Variants in FAM227B observed in about 807,000 individuals in gnomAD.
FAM227B encodes protein FAM227B.
In FAM227B, 88 loss-of-function variants were observed where a neutral mutation model predicts 73.8. The observed-to-expected ratio is 1.19, with a 90% CI of 1.00 to 1.42. The LOEUF is 1.42. FAM227B is among the 40% of genes most tolerant of loss of function. The pLI is 0.00. For synonymous variants in FAM227B, 210 were observed against 190.5 expected, an observed-to-expected ratio of 1.10 and a Z score of -0.84; for missense variants, 632 against 590.9, an observed-to-expected ratio of 1.07 and a Z score of -0.72.
At chr15:49,617,098 A>C (rs1489126830) in intron 1 of FAM227B, among the ~76,000 whole-genome samples, 1 of 152,208 alleles carries the variant, frequency 6.6e-6, no homozygotes, top group East Asian at 1.9e-4. Context: ...TCTACTATGA[A>C]GCTGAATGCT....
At chr15:49,615,301 T>G (rs751872302) in intron 1 of FAM227B, 58 bp from the exon 2 acceptor site, 93 of 775,106 alleles carry the variant, frequency 1.2e-4, no homozygotes, top group Non-Finnish European at 2.0e-4. Context: ...ACAATCCCTT[T>G]CCCCTCACCC....
At chr15:49,527,730 C>T (rs1225681753) in intron 10 of FAM227B, among the ~76,000 whole-genome samples, 1 of 151,560 alleles carries the variant, frequency 6.6e-6, no homozygotes, top group African/African-American at 2.4e-5. Flanking sequence ...AAAACCAAAC[C>T]AAAACTCAGT....
At chr15:49,452,170 T>C (rs2052815567) in intron 11 of FAM227B, among the ~76,000 whole-genome samples, 1 of 152,054 alleles carries the variant, frequency 6.6e-6, no homozygotes, top group African/African-American at 2.4e-5. Flanking sequence ...GCTTCCTGAG[T>C]ATCTGGCACT....
intron 10 of FAM227B, among the ~76,000 whole-genome samples, chr15:49,521,148 T>C (rs1250139293): frequency 1.3e-5 from 2 of 152,162 alleles, no homozygotes; most frequent in Non-Finnish European, 2.9e-5. Context: ...TGGGACACTG[T>C]CTCATCCAGG....
rs530535694 is a variant in FAM227B at position 49,496,316 on chromosome 15, A to T, written c.1012+11895T>A. On this transcript the variant is annotated intron_variant, in intron 11 of 15. Coordinates refer to ENST00000299338, the MANE Select transcript of FAM227B (RefSeq NM_152647.3). The stretch of plus-strand genomic sequence containing the variant: ...AGCTACAGTTTATAAAAAGAATGAG[A>T]CTTGTTATTGTTTTAGCTTTAAAAT... Among the ~76,000 whole-genome samples the T allele has an allele frequency of 3.9e-5, 6 of 152,282 alleles. No homozygotes were observed. In the East Asian group the frequency reaches 1.2e-3, roughly 29 times the overall value.
At chr15:49,376,889 T>A (rs2046199092) in intron 11 of FAM227B, among the ~76,000 whole-genome samples, 1 of 152,084 alleles carries the variant, frequency 6.6e-6, no homozygotes, top group African/African-American at 2.4e-5. Context: ...GGGGTGGTTT[T>A]CTTTTCTATT....
intron 11 of FAM227B, chr15:49,424,804 C>T (rs775585778): frequency 2.1e-4 from 73 of 351,170 alleles, no homozygotes; most frequent in Non-Finnish European, 3.1e-5. Flanking sequence ...TAATCCAAGC[C>T]AATTTGAAAA....
chr15:49,375,052 A>G (rs530657628), intron 11 of FAM227B, among the ~76,000 whole-genome samples: 1 of 152,282 alleles, frequency 6.6e-6, no homozygotes, highest in South Asian at 2.1e-4. Context: ...TCTGTGTGAA[A>G]TTCATGGTTC....
chr15:49,337,162 A>C (rs554635333), intron 13 of FAM227B, among the ~76,000 whole-genome samples: 219 of 152,296 alleles, frequency 1.4e-3, no homozygotes, highest in Admixed American at 4.4e-3. Context: ...ATATGAGTAC[A>C]TATGTCTTTT....
intron 11 of FAM227B, among the ~76,000 whole-genome samples, chr15:49,482,939 T>A (rs544349339): frequency 0.029 from 4,469 of 152,118 alleles, 223 homozygotes; most frequent in African/African-American, 0.1. Flanking sequence ...TTCTACAAAA[T>A]AAAAAACCAT....
chr15:49,340,422 C>G (rs1009620547), intron 13 of FAM227B, among the ~76,000 whole-genome samples: 10 of 143,290 alleles, frequency 7.0e-5, no homozygotes, highest in Middle Eastern at 3.4e-3. Context: ...CTCCCCCCCC[C>G]GCTTTGCCTC....
chr15:49,437,307 A>G (rs1285307902), intron 11 of FAM227B, among the ~76,000 whole-genome samples: 2 of 151,672 alleles, frequency 1.3e-5, no homozygotes, highest in Non-Finnish European at 3.0e-5. Flanking sequence ...AACAAATAAA[A>G]GAAACAGCAG....
At chr15:49,367,329 A>G in intron 13 of FAM227B, 119 bp downstream of exon 13, 3 of 931,966 alleles carry the variant, frequency 3.2e-6, no homozygotes, top group Non-Finnish European at 4.6e-6. Flanking sequence ...TATTAATACT[A>G]AACAGAAGCA....
At chr15:49,545,996 T>C (rs2071802829) in intron 9 of FAM227B, among the ~76,000 whole-genome samples, 1 of 151,690 alleles carries the variant, frequency 6.6e-6, no homozygotes, top group Non-Finnish European at 1.5e-5. Flanking sequence ...TTAGGGTACA[T>C]GTGCACAACG....
At chr15:49,467,868 A>C (rs1307293793) in intron 11 of FAM227B, among the ~76,000 whole-genome samples, 4 of 152,200 alleles carry the variant, frequency 2.6e-5, no homozygotes, top group Non-Finnish European at 5.9e-5. Context: ...GAAAACGATC[A>C]GTAAATTGGT....
At position 49,371,391 on chromosome 15, in the gene FAM227B, A is replaced by C. The variant is rs1053849441; in HGVS notation, c.1021T>G (p.Phe341Val). Reference protein sequence around the residue: ...SQEHISTSIDFNIIKILNNPR... With the variant: ...SQEHISTSIDVNIIKILNNPR... ...TTGTTCAGAATCTTTATAATATTGA[A>C]GTCGATACCTAAAACAGAAAATAAA... Residue 341 changes from phenylalanine (F) to valine (V), a missense_variant, in exon 12 of 16, where the codon TTC becomes GTC. Phe to Val is a conservative substitution (Grantham distance 50). Transcript: ENST00000299338. 1 of 1,546,924 alleles carries C rather than the reference A, an allele frequency of 6.5e-7. No individual in the cohort carries two copies. The highest frequency in any genetic ancestry group is 1.9e-5 in the Admixed American group (1 of 53,940).
intron 11 of FAM227B, among the ~76,000 whole-genome samples, chr15:49,472,913 C>T (rs1411435669): frequency 1.2e-5 from 1 of 86,128 alleles, no homozygotes; most frequent in African/African-American, 3.0e-5. Context: ...TTTTGGGTAC[C>T]ATACATTTTA....
At chr15:49,338,097 T>G (rs2040072281) in intron 13 of FAM227B, among the ~76,000 whole-genome samples, 1 of 152,224 alleles carries the variant, frequency 6.6e-6, no homozygotes, top group South Asian at 2.1e-4. Context: ...TCCATTGTTG[T>G]GTCTTTTAAT....
chr15:49,513,939 T>C (rs1395733754), intron 10 of FAM227B, among the ~76,000 whole-genome samples: 1 of 152,186 alleles, frequency 6.6e-6, no homozygotes, highest in Non-Finnish European at 1.5e-5. Flanking sequence ...GTCTCTATTC[T>C]GTTCCACTGG....
Sources: gnomAD v4.1 joint callset for allele counts (sites outside exome capture counted in the v4.1 genomes callset) on GRCh38, gnomAD v4.1.1 for gene constraint, MANE v1.5 for transcripts, NCBI Gene and HGNC (gene_info 2026-07-23, HGNC 2026-07-21) for gene names.